DISC1: variants seen among roughly 807,000 people sequenced by gnomAD.
DISC1 encodes the protein disrupted in schizophrenia 1 protein.
In DISC1, 57 loss-of-function variants were observed where a neutral mutation model predicts 84.5. The observed-to-expected ratio is 0.67, with a 90% CI of 0.55 to 0.84. DISC1 has a LOEUF of 0.84. Among genes scored for constraint, DISC1 ranks in the 40% least tolerant of loss-of-function variants. The pLI is 0.00. For missense variants in DISC1, 1,000 were observed against 1,057.8 expected (o/e 0.95, Z 0.76); for synonymous variants, 411 against 415.2 (o/e 0.99, Z 0.12).
intron 8 of DISC1, among the ~76,000 whole-genome samples, chr1:231,800,830 G>A (rs1465902452): frequency 1.3e-5 from 2 of 151,930 alleles, no homozygotes; most frequent in African/African-American, 2.4e-5. Flanking sequence ...TGGGGAGGTT[G>A]AGGCTGCGGG....
chr1:231,814,102 T>C (rs1273715892), intron 8 of DISC1, among the ~76,000 whole-genome samples: 3 of 152,184 alleles, frequency 2.0e-5, no homozygotes, highest in Non-Finnish European at 4.4e-5. Context: ...GGAAAACATT[T>C]TGTATCATTT....
At chr1:231,703,349 G>A (rs1056820502) in intron 3 of DISC1, among the ~76,000 whole-genome samples, 5 of 152,188 alleles carry the variant, frequency 3.3e-5, no homozygotes, top group African/African-American at 9.7e-5. Context: ...CAAGCCCAGC[G>A]TCAGTGGCTT....
intron 6 of DISC1, among the ~76,000 whole-genome samples, chr1:231,781,725 A>G (rs1274580320): frequency 1.3e-5 from 2 of 149,242 alleles, no homozygotes; most frequent in Non-Finnish European, 3.0e-5. Context: ...TCCTTTTTGT[A>G]AGTTGTATGT....
At chr1:232,025,646 G>A (rs934490801) in intron 11 of DISC1, among the ~76,000 whole-genome samples, 2 of 149,624 alleles carry the variant, frequency 1.3e-5, no homozygotes, top group African/African-American at 4.9e-5. Flanking sequence ...GCCCAGGCTG[G>A]AGTGCAGTGG....
chr1:231,772,822 G>GT (rs2076657512), intron 6 of DISC1, among the ~76,000 whole-genome samples: 1 of 152,176 alleles, frequency 6.6e-6, no homozygotes, highest in South Asian at 2.1e-4. Context: ...ATTCTAGGGA[G>GT]TTACTTAAGA....
intron 3 of DISC1, among the ~76,000 whole-genome samples, chr1:231,702,879 C>T (rs1302942038): frequency 6.6e-6 from 1 of 152,018 alleles, no homozygotes; most frequent in East Asian, 1.9e-4. Context: ...CATGTAGATT[C>T]CCCTAGGCAC....
At chr1:231,908,844 G>A (rs773872376) in intron 9 of DISC1, among the ~76,000 whole-genome samples, 48 of 152,034 alleles carry the variant, frequency 3.2e-4, no homozygotes, top group Non-Finnish European at 5.9e-4. Context: ...CTTTTATTTT[G>A]TTGAGCAGTG....
intron 1 of DISC1, among the ~76,000 whole-genome samples, chr1:231,641,482 A>T (rs916144882): frequency 3.9e-5 from 6 of 152,090 alleles, no homozygotes; most frequent in Non-Finnish European, 7.4e-5. Flanking sequence ...GGTGACTGTT[A>T]CAGCTCATAA....
At chr1:231,883,703 T>G (rs1253933597) in intron 9 of DISC1, among the ~76,000 whole-genome samples, 2 of 152,032 alleles carry the variant, frequency 1.3e-5, no homozygotes. Context: ...TGAGAGAAAT[T>G]CAAGGTAAGG....
chr1:231,833,571 T>C (rs2082404248), intron 9 of DISC1, among the ~76,000 whole-genome samples: 1 of 151,740 alleles, frequency 6.6e-6, no homozygotes, highest in South Asian at 2.1e-4. Flanking sequence ...AGTTGAACAG[T>C]CCGATTTTCA....
chr1:232,008,993 G>C lies in DISC1; in HGVS notation c.2251G>C (p.Glu751Gln), dbSNP rs115112816. The change falls in exon 11 of 13, where the codon GAA becomes CAA. Residue 751 changes from glutamate (E) to glutamine (Q), a missense_variant. Glu to Gln is a conservative substitution (Grantham distance 29, BLOSUM62 2). Around this residue, in one of 3 missense-constraint regions of DISC1, gnomAD observed 397 missense variants for 377.5 expected, o/e 1.05. Transcript: ENST00000439617. Reference protein sequence around the residue: ...KRKTPLKVLEEWKTHLIPSLH... With the variant: ...KRKTPLKVLEQWKTHLIPSLH... The stretch of plus-strand genomic sequence containing the variant: ...GAAGACCCCTTTGAAGGTATTGGAA[G>C]AATGGAAGACTCACCTCATCCCCTC... 0.013 allele frequency: 21,609 copies of C among 1,613,892 alleles called. 173 individuals carry two copies. Among genetic ancestry groups the C allele is most frequent in the Non-Finnish European group, 0.016 (18,322 of 1,179,848 alleles).
chr1:231,942,417 A>C (rs553248917), intron 9 of DISC1, among the ~76,000 whole-genome samples: 2 of 152,346 alleles, frequency 1.3e-5, no homozygotes, highest in Non-Finnish European at 2.9e-5. Context: ...TAATCCCAGC[A>C]CTTTGGGAGG....
intron 9 of DISC1, among the ~76,000 whole-genome samples, chr1:231,839,001 C>T (rs1558634505): frequency 7.1e-6 from 1 of 141,180 alleles, no homozygotes. Context: ...AAATAGGGCA[C>T]GATGTGTTGA....
At chr1:231,999,794 C>T (rs1285692390) in intron 10 of DISC1, among the ~76,000 whole-genome samples, 1 of 150,420 alleles carries the variant, frequency 6.6e-6, no homozygotes, top group Non-Finnish European at 1.5e-5. Flanking sequence ...TCTCCTAGAG[C>T]CAGATGAATC....
intron 3 of DISC1, chr1:231,722,428 G>T: frequency 1.3e-6 from 2 of 1,545,710 alleles, no homozygotes; most frequent in South Asian, 1.2e-5. Flanking sequence ...ATCCACACTC[G>T]AACAAGTGTG....
intron 3 of DISC1, among the ~76,000 whole-genome samples, chr1:231,739,166 A>G (rs1201627339): frequency 6.6e-6 from 1 of 152,180 alleles, no homozygotes; most frequent in African/African-American, 2.4e-5. Context: ...CGCTATTTCC[A>G]TATTCACCTG....
At chr1:231,724,022 T>G (rs1001455453) in intron 3 of DISC1, 17 of 985,260 alleles carry the variant, frequency 1.7e-5, no homozygotes, top group Non-Finnish European at 2.0e-5. Flanking sequence ...CACTCTGATA[T>G]TGTATTTGTT....
chr1:231,916,572 G>A (rs936936091), intron 9 of DISC1, among the ~76,000 whole-genome samples: 2 of 148,232 alleles, frequency 1.3e-5, no homozygotes. Flanking sequence ...GGAGAATGGC[G>A]TGAACCCGGG....
intron 9 of DISC1, among the ~76,000 whole-genome samples, chr1:231,821,540 G>A (rs1029701484): frequency 4.6e-5 from 7 of 152,164 alleles, no homozygotes; most frequent in African/African-American, 1.2e-4. Flanking sequence ...ATTTGAATTC[G>A]GAGCAATGTT....
Sources: gnomAD v4.1 joint callset for allele counts (sites outside exome capture counted in the v4.1 genomes callset) on GRCh38, gnomAD v4.1.1 for gene constraint, gnomAD v4.1.1 regional missense constraint, MANE v1.5 for transcripts, NCBI Gene and HGNC (gene_info 2026-07-23, HGNC 2026-07-21) for gene names.